Variants in SENP7 observed in about 807,000 individuals in gnomAD.
SENP7 encodes sentrin-specific protease 7.
In SENP7, 64 loss-of-function variants were observed where a neutral mutation model predicts 141.2. The ratio of observed to expected loss-of-function variants is 0.45; its 90% confidence interval spans 0.37 to 0.56. The LOEUF is 0.56. Ranked by LOEUF, SENP7 falls within the 20% of genes least tolerant of loss-of-function variation. The probability of loss-of-function intolerance (pLI) is 0.00; values close to 1 mark genes in which losing one functional copy is unlikely to be tolerated. For missense variants in SENP7, 1,025 were observed against 1,212.2 expected, an observed-to-expected ratio of 0.85 and a Z score of 2.29; for synonymous variants, 382 against 426.4, an observed-to-expected ratio of 0.90 and a Z score of 1.28.
intron 4 of SENP7, chr3:101,457,801 G>A (rs1162570678): frequency 3.3e-6 from 2 of 604,022 alleles, no homozygotes; most frequent in Non-Finnish European, 5.9e-6. Context: ...TGGACCAGCT[G>A]AGATTAGGCG....
intron 11 of SENP7, among the ~76,000 whole-genome samples, chr3:101,352,996 GT>G (rs2059650598): frequency 6.6e-6 from 1 of 151,982 alleles, no homozygotes; most frequent in Admixed American, 6.6e-5. Flanking sequence ...TACACAAGTA[GT>G]AAGTAGGTAA....
chr3:101,327,638 T>A (rs368232704), intron 23 of SENP7, 28 bp downstream of exon 23: 1 of 1,563,080 alleles, frequency 6.4e-7, no homozygotes, highest in South Asian at 1.2e-5. Context: ...TAACTGTGAA[T>A]TAAAAACTTA....
chr3:101,457,715 G>T, intron 4 of SENP7: 1 of 1,021,416 alleles, frequency 9.8e-7, no homozygotes, highest in South Asian at 1.4e-5. Context: ...CCTGATTCAT[G>T]ATTGTTTCTT....
At position 101,348,158 on chromosome 3, in the gene SENP7, GA is replaced by G. The variant is rs1351415592; in HGVS notation, c.1658-108del. 6 of 687,244 alleles carry G rather than the reference GA, an allele frequency of 8.7e-6. No individual in the cohort carries two copies. The African/African-American group carries it at 1.2e-4, about 14-fold the overall frequency. 42.6% of individuals were successfully genotyped at this position (687,244 alleles called of 1,614,324 possible). Reference sequence around the variant, plus strand: ...TACACTACTTTTTTTAAAAAAAAGAGAATTATATAGTTTTTTCAAAAATATA... The same window carrying G: ...TACACTACTTTTTTTAAAAAAAAGAGATTATATAGTTTTTTCAAAAATATA... On this transcript the variant is annotated intron_variant, in intron 12 of 23. Transcript: ENST00000394095.
chr3:101,356,218 G>C (rs1306607959), intron 11 of SENP7, among the ~76,000 whole-genome samples: 6 of 152,020 alleles, frequency 3.9e-5, no homozygotes, highest in Non-Finnish European at 5.9e-5. Flanking sequence ...TAACTACAAA[G>C]AGCCTCTCCA....
chr3:101,497,370 A>C (rs2065199382), intron 2 of SENP7, among the ~76,000 whole-genome samples: 1 of 152,228 alleles, frequency 6.6e-6, no homozygotes, highest in Non-Finnish European at 1.5e-5. Flanking sequence ...TACCTAGCAC[A>C]CAGACATGGG....
intron 4 of SENP7, among the ~76,000 whole-genome samples, chr3:101,427,383 G>C (rs1045407284): frequency 1.3e-5 from 2 of 151,180 alleles, no homozygotes; most frequent in Non-Finnish European, 2.9e-5. Context: ...TCAGCTACTC[G>C]GGAAGCTAAA....
chr3:101,417,579 A>G lies in SENP7; in HGVS notation c.482+14T>C. 6.3e-7 allele frequency: 1 copy of G among 1,595,336 alleles called. No homozygotes were observed. The highest frequency in any genetic ancestry group is 1.1e-5 in the South Asian group (1 of 90,670). ...ATGTGGTAAGTTGAACAAAATCAAT[A>G]CTGAACAACATACCTTTCAGATAAA... On this transcript the variant is annotated intron_variant, in intron 5 of 23. Transcript: ENST00000394095.
intron 3 of SENP7, among the ~76,000 whole-genome samples, chr3:101,475,122 TAA>T (rs2064163245): frequency 6.6e-6 from 1 of 151,872 alleles, no homozygotes; most frequent in African/African-American, 2.4e-5. Context: ...CAAAAAAACT[TAA>T]AAAGAGACAA....
chr3:101,499,320 G>A (rs985599696), intron 2 of SENP7, among the ~76,000 whole-genome samples: 10 of 152,086 alleles, frequency 6.6e-5, no homozygotes, highest in Admixed American at 6.5e-5. Flanking sequence ...AGTTAATACA[G>A]AGGTATTTCA....
intron 2 of SENP7, among the ~76,000 whole-genome samples, chr3:101,494,587 C>A (rs139269680): frequency 4.5e-4 from 69 of 152,182 alleles, no homozygotes; most frequent in East Asian, 2.7e-3. Flanking sequence ...ATTCCTGGAA[C>A]AGAATCAATG....
At chr3:101,377,643 A>C (rs1048976330) in intron 6 of SENP7, among the ~76,000 whole-genome samples, 1 of 152,214 alleles carries the variant, frequency 6.6e-6, no homozygotes, top group African/African-American at 2.4e-5. Flanking sequence ...GCCCTCAAGA[A>C]AAACTATTTC....
At chr3:101,332,987 A>G (rs1377774156) in intron 17 of SENP7, 125 bp from the exon 18 acceptor site, 2 of 922,604 alleles carry the variant, frequency 2.2e-6, no homozygotes, top group African/African-American at 3.5e-5. Flanking sequence ...AAGATATATC[A>G]TATTTAACAC....
At chr3:101,458,902 T>TATTTTTA in intron 4 of SENP7, 53 bp downstream of exon 4, 3 of 1,057,466 alleles carry the variant, frequency 2.8e-6, no homozygotes, top group Non-Finnish European at 4.2e-6. Flanking sequence ...GAATCATTTA[T>TATTTTTA]GGTCAACTTT....
At chr3:101,496,467 G>C (rs577303633) in intron 2 of SENP7, among the ~76,000 whole-genome samples, 4 of 152,060 alleles carry the variant, frequency 2.6e-5, no homozygotes, top group African/African-American at 9.6e-5. Context: ...TGTTGCCCAG[G>C]CTAGTCCCAA....
At chr3:101,353,803 A>G (rs530892630) in intron 11 of SENP7, among the ~76,000 whole-genome samples, 6 of 152,124 alleles carry the variant, frequency 3.9e-5, no homozygotes, top group South Asian at 4.1e-4. Flanking sequence ...ATTTCCAGCT[A>G]TAAGTATTTT....
intron 6 of SENP7, among the ~76,000 whole-genome samples, chr3:101,390,471 T>A (rs9861976): frequency 0.4 from 60,342 of 151,988 alleles, 12,491 homozygotes; most frequent in Admixed American, 0.54. Flanking sequence ...TTTGGTTTCC[T>A]TTTGTAGACT....
chr3:101,377,435 G>A (rs1162177894), intron 6 of SENP7, among the ~76,000 whole-genome samples: 2 of 152,106 alleles, frequency 1.3e-5, no homozygotes, highest in East Asian at 3.9e-4. Context: ...AAATTGCTGA[G>A]GGTTCAGTGT....
intron 3 of SENP7, among the ~76,000 whole-genome samples, chr3:101,468,893 A>T (rs2063865645): frequency 1.3e-5 from 2 of 152,236 alleles, no homozygotes; most frequent in South Asian, 4.1e-4. Context: ...AAATACCCCA[A>T]TTAAAAGACA....
Sources: allele counts gnomAD v4.1 joint callset (sites outside exome capture counted in the v4.1 genomes callset), GRCh38; gene constraint gnomAD v4.1.1; transcripts MANE v1.5; gene names NCBI Gene and HGNC (gene_info 2026-07-23, HGNC 2026-07-21).